Variants in TAFA5 observed in about 807,000 individuals in gnomAD.
TAFA5 encodes the protein TAFA chemokine like family member 5, also known as chemokine-like protein TAFA-5.
A neutral mutation model predicts 15.3 loss-of-function variants in TAFA5; 6 were observed. The observed-to-expected ratio is 0.39, with a 90% CI of 0.21 to 0.77. TAFA5 has a LOEUF of 0.77. TAFA5 is among the 30% of genes least tolerant of loss of function. The pLI is 0.41. For missense variants in TAFA5, 161 were observed against 193.1 expected, an observed-to-expected ratio of 0.83 and a Z score of 0.98; for synonymous variants, 103 against 80.7, an observed-to-expected ratio of 1.28 and a Z score of -1.48.
Position 48,624,351 on chromosome 22 carries a change from C to T in TAFA5, c.113-22246C>T, listed in dbSNP as rs188537219. 2.2e-4 allele frequency among the ~76,000 whole-genome samples: 33 copies of T among 152,298 alleles called. No individual in the cohort carries two copies. The East Asian group carries it at 6.4e-3, about 29-fold the overall frequency. ...CAGGTTCCTGCCCTGTGAGGTCGCTCTTTCTCCCATAGGGTGCTCCTTGGA... is the reference window on the plus strand; with the variant it reads ...CAGGTTCCTGCCCTGTGAGGTCGCTTTTTCTCCCATAGGGTGCTCCTTGGA... On this transcript the variant is annotated intron_variant, in intron 1 of 3. Coordinates refer to ENST00000402357, the MANE Select transcript of TAFA5 (RefSeq NM_001082967.3).
At chr22:48,675,908 C>T (rs1047595572) in intron 2 of TAFA5, among the ~76,000 whole-genome samples, 3 of 152,264 alleles carry the variant, frequency 2.0e-5, no homozygotes, top group Admixed American at 6.5e-5. Context: ...TCACAGCGCA[C>T]CCTGACGCCC....
intron 2 of TAFA5, among the ~76,000 whole-genome samples, chr22:48,671,378 T>C (rs1166690813): frequency 6.6e-6 from 1 of 152,184 alleles, no homozygotes; most frequent in Non-Finnish European, 1.5e-5. Context: ...ACATCTGGGG[T>C]GCTCTGTTGA....
chr22:48,570,612 G>T (rs763285832), intron 1 of TAFA5, among the ~76,000 whole-genome samples: 1 of 152,168 alleles, frequency 6.6e-6, no homozygotes, highest in Non-Finnish European at 1.5e-5. Flanking sequence ...TCAGGACCTC[G>T]TCACTTTCCA....
intron 1 of TAFA5, among the ~76,000 whole-genome samples, chr22:48,616,803 C>G (rs888401490): frequency 1.3e-5 from 2 of 152,200 alleles, no homozygotes; most frequent in African/African-American, 4.8e-5. Context: ...CTGCGTGGCT[C>G]TGGGCTCGGC....
intron 1 of TAFA5, among the ~76,000 whole-genome samples, chr22:48,593,655 C>G (rs908992340): frequency 1.3e-5 from 2 of 152,290 alleles, no homozygotes; most frequent in East Asian, 3.9e-4. Flanking sequence ...TCCTGTTGGG[C>G]GCCTTCTCAC....
chr22:48,507,157 CCGCAAAGGGCCAGG>C (rs1921022129), intron 1 of TAFA5, among the ~76,000 whole-genome samples: 8 of 107,524 alleles, frequency 7.4e-5, no homozygotes, highest in African/African-American at 3.4e-4. Flanking sequence ...AAGGAGGTGG[CCGCAAAGGGCCAGG>C]TGTGTAGTTG....
rs1009494 is a variant in TAFA5 at position 48,637,827 on chromosome 22, C to G, written c.113-8770C>G. On this transcript the variant is annotated intron_variant, in intron 1 of 3. Coordinates refer to ENST00000402357, the MANE Select transcript of TAFA5 (RefSeq NM_001082967.3). ...CCACCGAGCACAGCCGAGCCATTTCCCACACCCGCAGAAACTCTCCTTGAG... is the reference window on the plus strand; with the variant it reads ...CCACCGAGCACAGCCGAGCCATTTCGCACACCCGCAGAAACTCTCCTTGAG... Among the ~76,000 whole-genome samples, 323 of 152,142 alleles carry G rather than the reference C, an allele frequency of 2.1e-3. 12 individuals are homozygous for G. The East Asian group carries it at 0.054, about 25-fold the overall frequency.
At chr22:48,554,068 C>T (rs937186412) in intron 1 of TAFA5, among the ~76,000 whole-genome samples, 3 of 152,316 alleles carry the variant, frequency 2.0e-5, no homozygotes, top group South Asian at 2.1e-4. Flanking sequence ...GGTCCTCGGG[C>T]GGCCGCTCAG....
At chr22:48,634,484 C>T (rs930977506) in intron 1 of TAFA5, among the ~76,000 whole-genome samples, 25 of 72,530 alleles carry the variant, frequency 3.4e-4, no homozygotes, top group African/African-American at 1.6e-3. Context: ...CACTCAATCA[C>T]TCCTTGACTC....
intron 2 of TAFA5, among the ~76,000 whole-genome samples, chr22:48,653,759 G>C (rs144730716): frequency 6.6e-6 from 1 of 152,282 alleles, no homozygotes; most frequent in East Asian, 1.9e-4. Flanking sequence ...AGAACATGAA[G>C]TTCCTTGAAT....
At chr22:48,501,385 GGGCGTTCTGTCCTGGAGACA>G (rs1920950908) in intron 1 of TAFA5, among the ~76,000 whole-genome samples, 1 of 152,228 alleles carries the variant, frequency 6.6e-6, no homozygotes, top group African/African-American at 2.4e-5. Flanking sequence ...CCTCGCGTCT[GGGCGTTCTGTCCTGGAGACA>G]GGCTCCAGCA....
chr22:48,679,999 A>C (rs1002604636), intron 2 of TAFA5, among the ~76,000 whole-genome samples: 7 of 152,182 alleles, frequency 4.6e-5, no homozygotes, highest in Non-Finnish European at 8.8e-5. Flanking sequence ...ATGTTATCCC[A>C]GCATCACCCC....
chr22:48,624,754 C>T (rs1925969059), intron 1 of TAFA5, among the ~76,000 whole-genome samples: 1 of 152,156 alleles, frequency 6.6e-6, no homozygotes, highest in Non-Finnish European at 1.5e-5. Flanking sequence ...GTCTCAGAAA[C>T]AGCCGTTACC....
At chr22:48,630,400 G>C (rs562131725) in intron 1 of TAFA5, among the ~76,000 whole-genome samples, 1 of 152,314 alleles carries the variant, frequency 6.6e-6, no homozygotes, top group East Asian at 1.9e-4. Flanking sequence ...AGAAAAGGAG[G>C]CTTGCTCCAC....
chr22:48,508,796 C>T (rs1343591348), intron 1 of TAFA5, among the ~76,000 whole-genome samples: 2 of 151,766 alleles, frequency 1.3e-5, no homozygotes, highest in East Asian at 1.9e-4. Context: ...ATCGCCTCAA[C>T]ATTGATCATT....
At chr22:48,542,579 TG>T (rs1922477458) in intron 1 of TAFA5, among the ~76,000 whole-genome samples, 1 of 115,790 alleles carries the variant, frequency 8.6e-6, no homozygotes, top group Non-Finnish European at 1.7e-5. Context: ...GTGTGGTGTG[TG>T]TGCGGGTGTG....
At chr22:48,581,321 A>G (rs1430314782) in intron 1 of TAFA5, among the ~76,000 whole-genome samples, 1 of 152,228 alleles carries the variant, frequency 6.6e-6, no homozygotes, top group Non-Finnish European at 1.5e-5. Flanking sequence ...CCAGGCTGGC[A>G]GTGGACGGAC....
chr22:48,679,205 C>T (rs933880752), intron 2 of TAFA5, among the ~76,000 whole-genome samples: 5 of 83,234 alleles, frequency 6.0e-5, no homozygotes, highest in African/African-American at 3.4e-4. Flanking sequence ...ATCCCTCTCC[C>T]GGCTCCCCGT....
chr22:48,578,404 T>C (rs774900066), intron 1 of TAFA5, among the ~76,000 whole-genome samples: 1 of 152,220 alleles, frequency 6.6e-6, no homozygotes, highest in Non-Finnish European at 1.5e-5. Flanking sequence ...TAAAGGACTC[T>C]GTTTTTTGGC....
Sources: allele counts gnomAD v4.1 joint callset (sites outside exome capture counted in the v4.1 genomes callset), GRCh38; gene constraint gnomAD v4.1.1; transcripts MANE v1.5; gene names NCBI Gene and HGNC (gene_info 2026-07-23, HGNC 2026-07-21).